The following RBMS3 variants were observed in gnomAD, a reference collection of about 807,000 sequenced individuals.
The protein encoded by RBMS3 is RNA-binding motif, single-stranded-interacting protein 3.
In RBMS3, 27 loss-of-function variants were observed where a neutral mutation model predicts 66.8. The observed-to-expected ratio is 0.40, with a 90% CI of 0.30 to 0.56. The LOEUF (loss-of-function observed/expected upper bound fraction) is 0.56. Among genes scored for constraint, RBMS3 ranks in the 20% least tolerant of loss-of-function variants. RBMS3 has a pLI of 0.40. For missense variants in RBMS3, 513 were observed against 549.5 expected (o/e 0.93, Z 0.66); for synonymous variants, 188 against 183.0 (o/e 1.03, Z -0.22).
chr3:29,857,031 A>G (rs1197316866), intron 6 of RBMS3, among the ~76,000 whole-genome samples: 1 of 152,148 alleles, frequency 6.6e-6, no homozygotes, highest in Non-Finnish European at 1.5e-5. Flanking sequence ...ACACCTGTAA[A>G]TCTTTTACCT....
intron 6 of RBMS3, among the ~76,000 whole-genome samples, chr3:29,854,381 A>T (rs2059020629): frequency 6.6e-6 from 1 of 152,236 alleles, no homozygotes; most frequent in African/African-American, 2.4e-5. Flanking sequence ...ATTTTGAAAA[A>T]GGAAAGGGGT....
chr3:29,426,481 C>T (rs979013220), intron 1 of RBMS3, among the ~76,000 whole-genome samples: 1 of 152,146 alleles, frequency 6.6e-6, no homozygotes, highest in African/African-American at 2.4e-5. Flanking sequence ...GTAAATAGCA[C>T]AGAGCAATGT....
intron 2 of RBMS3, among the ~76,000 whole-genome samples, chr3:29,446,371 G>A (rs934777471): frequency 6.6e-6 from 1 of 151,984 alleles, no homozygotes; most frequent in Non-Finnish European, 1.5e-5. Context: ...TAAGAGTCTT[G>A]TATTCAAAAA....
intron 11 of RBMS3, among the ~76,000 whole-genome samples, chr3:29,942,132 G>GCCATAAT (rs1362299531): frequency 6.6e-6 from 1 of 151,822 alleles, no homozygotes; most frequent in African/African-American, 2.4e-5. Flanking sequence ...AATTAAATAT[G>GCCATAAT]CCATAATCCA....
intron 12 of RBMS3, among the ~76,000 whole-genome samples, chr3:29,955,896 T>C (rs1023258912): frequency 2.0e-5 from 3 of 152,096 alleles, no homozygotes; most frequent in African/African-American, 7.2e-5. Context: ...TCTTACTCTC[T>C]TTCCCTTCAC....
intron 4 of RBMS3, among the ~76,000 whole-genome samples, chr3:29,589,210 T>TTC (rs202138421): frequency 3.3e-5 from 5 of 151,666 alleles, no homozygotes; most frequent in African/African-American, 1.2e-4. Flanking sequence ...GAATCCCTCT[T>TTC]TCTCTCTCTC....
chr3:29,346,761 T>C (rs1026994550), intron 1 of RBMS3, among the ~76,000 whole-genome samples: 3 of 152,178 alleles, frequency 2.0e-5, no homozygotes, highest in Non-Finnish European at 4.4e-5. Flanking sequence ...AGATTATTAA[T>C]GAGCATTAGC....
Position 29,920,780 on chromosome 3 carries a change from C to T in RBMS3, c.940-15306C>T, listed in dbSNP as rs951857900. Among the ~76,000 whole-genome samples, 4 of 150,420 alleles carry T rather than the reference C, an allele frequency of 2.7e-5. 1 individual carries two copies. The highest frequency in any genetic ancestry group is 9.8e-5 in the African/African-American group (4 of 40,724). On this transcript the variant is annotated intron_variant, in intron 10 of 14. Coordinates refer to ENST00000383767, the MANE Select transcript of RBMS3 (RefSeq NM_001003793.3). Reference sequence around the variant, plus strand: ...CTCGAGGTCAGGAGATCGAGACCATCCTGGCTAACATGGCGAAACCCCGTC... The same window carrying T: ...CTCGAGGTCAGGAGATCGAGACCATTCTGGCTAACATGGCGAAACCCCGTC...
intron 12 of RBMS3, among the ~76,000 whole-genome samples, chr3:29,961,673 A>C (rs1390019615): frequency 6.6e-6 from 1 of 152,058 alleles, no homozygotes; most frequent in Non-Finnish European, 1.5e-5. Flanking sequence ...GGAAGGAAGA[A>C]GTGCCAAGCA....
At chr3:29,571,571 A>T (rs1330407082) in intron 3 of RBMS3, among the ~76,000 whole-genome samples, 2 of 152,084 alleles carry the variant, frequency 1.3e-5, no homozygotes, top group African/African-American at 4.8e-5. Flanking sequence ...TTTGTGAAAA[A>T]TGAGTTCACT....
intron 1 of RBMS3, among the ~76,000 whole-genome samples, chr3:29,348,317 A>T (rs55872743): frequency 2.0e-5 from 3 of 152,060 alleles, no homozygotes; most frequent in East Asian, 1.9e-4. Context: ...AAAATATTTC[A>T]GGCAAATTTA....
chr3:29,405,963 A>G (rs9836996), intron 1 of RBMS3, among the ~76,000 whole-genome samples: 10,992 of 152,284 alleles, frequency 0.072, 835 homozygotes, highest in African/African-American at 0.19. Context: ...GAACCCACAC[A>G]TGATTTTTCC....
chr3:29,748,251 G>C (rs1051258419), intron 5 of RBMS3, among the ~76,000 whole-genome samples: 7 of 152,164 alleles, frequency 4.6e-5, no homozygotes, highest in African/African-American at 1.7e-4. Flanking sequence ...AGTTTGGCAT[G>C]TTTGGGAAAT....
At chr3:29,467,366 CT>C (rs2042579063) in intron 2 of RBMS3, among the ~76,000 whole-genome samples, 4 of 152,098 alleles carry the variant, frequency 2.6e-5, no homozygotes, top group Admixed American at 2.6e-4. Flanking sequence ...TTAATTTCTC[CT>C]TGTACCTAAG....
intron 4 of RBMS3, among the ~76,000 whole-genome samples, chr3:29,599,734 A>G (rs949174959): frequency 1.3e-5 from 2 of 152,144 alleles, no homozygotes; most frequent in Non-Finnish European, 2.9e-5. Context: ...CTCTTCGTAT[A>G]TATTCAATAT....
intron 4 of RBMS3, among the ~76,000 whole-genome samples, chr3:29,710,331 T>C (rs2053110124): frequency 6.6e-6 from 1 of 152,198 alleles, no homozygotes; most frequent in Non-Finnish European, 1.5e-5. Flanking sequence ...AATATATCAG[T>C]AATAATCACA....
At chr3:29,370,710 C>T (rs4465907) in intron 1 of RBMS3, among the ~76,000 whole-genome samples, 54,858 of 152,022 alleles carry the variant, frequency 0.36, 10,612 homozygotes, top group Non-Finnish European at 0.43. Flanking sequence ...GTGTGGATTG[C>T]TTTGGTTTTC....
intron 1 of RBMS3, among the ~76,000 whole-genome samples, chr3:29,355,880 A>G (rs531149369): frequency 9.2e-5 from 14 of 152,240 alleles, no homozygotes; most frequent in African/African-American, 2.9e-4. Context: ...TACTAACCCA[A>G]TCAAGATACA....
At chr3:29,296,967 T>G (rs1348594358) in intron 1 of RBMS3, among the ~76,000 whole-genome samples, 1 of 151,604 alleles carries the variant, frequency 6.6e-6, no homozygotes, top group Non-Finnish European at 1.5e-5. Flanking sequence ...TTAAAAATCA[T>G]TAATATATAT....
Sources: gnomAD v4.1 joint callset for allele counts (sites outside exome capture counted in the v4.1 genomes callset) on GRCh38, gnomAD v4.1.1 for gene constraint, MANE v1.5 for transcripts, NCBI Gene and HGNC (gene_info 2026-07-23, HGNC 2026-07-21) for gene names.